CALN1: variants seen among roughly 807,000 people sequenced by gnomAD.
CALN1 encodes the protein calneuron 1, also known as calcium-binding protein 8.
CALN1 carries 17 observed loss-of-function variants against 30.6 expected under a neutral mutation model. The ratio of observed to expected loss-of-function variants is 0.56; its 90% CI spans 0.38 to 0.83. CALN1 has a LOEUF of 0.83. CALN1 is among the 40% of genes least tolerant of loss of function. The pLI is 0.00. For synonymous variants in CALN1, 156 were observed against 131.4 expected (o/e 1.19, Z -1.28); for missense variants, 291 against 354.9 (o/e 0.82, Z 1.45).
At chr7:72,327,698 T>C (rs1312269127) in intron 2 of CALN1, among the ~76,000 whole-genome samples, 1 of 151,904 alleles carries the variant, frequency 6.6e-6, no homozygotes, top group Non-Finnish European at 1.5e-5. Flanking sequence ...CCAATGATGT[T>C]TGGGAAAGCA....
intron 3 of CALN1, among the ~76,000 whole-genome samples, chr7:72,148,421 GAAAAAAA>G (rs1554455390): frequency 1.1e-5 from 1 of 90,062 alleles, no homozygotes; most frequent in Non-Finnish European, 3.4e-5. Flanking sequence ...GTAAAAAAAA[GAAAAAAA>G]AGAAAAAAGA....
intron 2 of CALN1, among the ~76,000 whole-genome samples, chr7:72,363,405 A>C (rs1803680728): frequency 6.6e-6 from 1 of 152,010 alleles, no homozygotes; most frequent in Non-Finnish European, 1.5e-5. Flanking sequence ...TGTCCGGCTA[A>C]TTTTTGTATT....
rs796177023 is a variant in CALN1 at position 71,857,016 on chromosome 7, A to G, written c.502-46524T>C. 2.4e-3 allele frequency among the ~76,000 whole-genome samples: 340 copies of G among 142,318 alleles called. 2 individuals carry two copies. The highest frequency in any genetic ancestry group is 3.7e-3 in the Non-Finnish European group (241 of 64,880). The allele number at this position is 142,318 out of a possible 152,430, so 93.4% of individuals were successfully genotyped here. On this transcript the variant is annotated intron_variant, in intron 5 of 6. Transcript: ENST00000395275. ...AGACAACCTCATGGTGTGTATATGTATGTGTGTGTGTGTGTGTGTGTGTGT... is the reference window on the plus strand; with the variant it reads ...AGACAACCTCATGGTGTGTATATGTGTGTGTGTGTGTGTGTGTGTGTGTGT...
intron 4 of CALN1, among the ~76,000 whole-genome samples, chr7:72,031,734 A>AT (rs544026184): frequency 0.032 from 3,631 of 114,538 alleles, 48 homozygotes; most frequent in Admixed American, 0.055. Context: ...CGCCTGGCTA[A>AT]TTTTTTTTTT....
At chr7:72,403,183 C>G in intron 2 of CALN1, 68 bp downstream of exon 2, 1 of 1,283,724 alleles carries the variant, frequency 7.8e-7, no homozygotes, top group Non-Finnish European at 1.1e-6. Flanking sequence ...CTCCTGGACC[C>G]CGCGCCACCC....
intron 4 of CALN1, among the ~76,000 whole-genome samples, chr7:72,057,994 G>A (rs1186150407): frequency 6.6e-6 from 1 of 152,158 alleles, no homozygotes; most frequent in Non-Finnish European, 1.5e-5. Flanking sequence ...TCTAAGTCGT[G>A]CAGAAGTTAA....
At chr7:72,175,600 G>T (rs976883310) in intron 3 of CALN1, among the ~76,000 whole-genome samples, 24 of 152,120 alleles carry the variant, frequency 1.6e-4, no homozygotes, top group Non-Finnish European at 3.1e-4. Flanking sequence ...TAACCAGGAA[G>T]AATAATCCAC....
At chr7:72,345,726 T>C (rs1376646871) in intron 2 of CALN1, among the ~76,000 whole-genome samples, 1 of 152,128 alleles carries the variant, frequency 6.6e-6, no homozygotes, top group Admixed American at 6.5e-5. Flanking sequence ...ACTACATGCA[T>C]TAAGATTAAG....
intron 2 of CALN1, among the ~76,000 whole-genome samples, chr7:72,330,485 AAG>A (rs1554374256): frequency 7.0e-6 from 1 of 143,168 alleles, no homozygotes; most frequent in African/African-American, 2.5e-5. Flanking sequence ...AAAAAAAAAA[AAG>A]AGAGAGAGAC....
At chr7:71,982,051 T>C (rs1263309810) in intron 5 of CALN1, among the ~76,000 whole-genome samples, 1 of 152,190 alleles carries the variant, frequency 6.6e-6, no homozygotes, top group African/African-American at 2.4e-5. Context: ...ACTTTTTAGT[T>C]GACTTCTAGC....
Position 72,165,971 on chromosome 7 carries a change from T to C in CALN1, c.245-59677A>G, listed in dbSNP as rs956781940. Among the ~76,000 whole-genome samples the C allele has an allele frequency of 5.9e-5, 9 of 152,264 alleles. No homozygotes were observed. In the East Asian group the frequency reaches 1.4e-3, roughly 23 times the overall value. ...TGGGGCTGCTACCCAAATTGTGTAATAGACCTTTTTAGGTGGCTGACCCAG... is the reference window on the plus strand; with the variant it reads ...TGGGGCTGCTACCCAAATTGTGTAACAGACCTTTTTAGGTGGCTGACCCAG... On this transcript the variant is annotated intron_variant, in intron 3 of 6. Transcript: ENST00000395275.
chr7:72,488,801 A>G, the CALN1 span, among the ~76,000 whole-genome samples: 1 of 152,112 alleles, frequency 6.6e-6, no homozygotes, highest in Non-Finnish European at 1.5e-5. Flanking sequence ...CTCCCTCTTC[A>G]GCCTCCCAAG....
Position 72,397,707 on chromosome 7 carries a change from T to TTCTCTC in CALN1, c.119+5538_119+5543dup, listed in dbSNP as rs775132024. Among the ~76,000 whole-genome samples the TTCTCTC allele has an allele frequency of 2.0e-3, 101 of 50,002 alleles. 1 individual carries two copies. Among genetic ancestry groups the TTCTCTC allele is most frequent in the African/African-American group, 8.8e-3 (99 of 11,240 alleles). The allele number at this position is 50,002 out of a possible 152,430, so 32.8% of individuals were successfully genotyped here. A position where few individuals can be genotyped will look rare whatever the true frequency, so the allele number is the denominator to read the frequency against. ...CTTGGGGGATCTTGGAGAGCACCCATTCTCTCTCACACACACACACACACA... is the reference window on the plus strand; with the variant it reads ...CTTGGGGGATCTTGGAGAGCACCCATTCTCTCTCTCTCTCACACACACACACACACA... On this transcript the variant is annotated intron_variant, in intron 2 of 6. Coordinates refer to ENST00000395275, the MANE Select transcript of CALN1 (RefSeq NM_031468.4).
chr7:71,859,959 A>G (rs1419281917), intron 5 of CALN1, among the ~76,000 whole-genome samples: 1 of 152,178 alleles, frequency 6.6e-6, no homozygotes, highest in Non-Finnish European at 1.5e-5. Context: ...GAATGTCCTA[A>G]TATCCCGATA....
At chr7:72,310,927 A>T (rs1433744967) in intron 2 of CALN1, among the ~76,000 whole-genome samples, 8 of 150,566 alleles carry the variant, frequency 5.3e-5, no homozygotes, top group African/African-American at 2.0e-4. Context: ...AAAAAAAAAA[A>T]ACAAAAATAA....
At chr7:72,317,091 A>AGAAAGAAACAGAGG (rs796294402) in intron 2 of CALN1, among the ~76,000 whole-genome samples, 1 of 122,262 alleles carries the variant, frequency 8.2e-6, no homozygotes, top group Non-Finnish European at 1.7e-5. Context: ...AGAGAGAGAG[A>AGAAAGAAACAGAGG]GAGGGAGGGA....
intron 2 of CALN1, among the ~76,000 whole-genome samples, chr7:72,399,958 T>C (rs1312341196): frequency 6.6e-6 from 1 of 152,106 alleles, no homozygotes; most frequent in Non-Finnish European, 1.5e-5. Flanking sequence ...TCCCTCTCTC[T>C]CCATATGACA....
intron 5 of CALN1, among the ~76,000 whole-genome samples, chr7:71,811,593 G>A (rs1787959586): frequency 1.3e-5 from 2 of 151,954 alleles, no homozygotes; most frequent in Admixed American, 1.3e-4. Context: ...CAGAGTTCCT[G>A]ATTACATCCT....
chr7:72,141,848 TG>T (rs994498689), intron 3 of CALN1, among the ~76,000 whole-genome samples: 1 of 151,982 alleles, frequency 6.6e-6, no homozygotes, highest in African/African-American at 2.4e-5. Flanking sequence ...GGATTACAGG[TG>T]TGAGTCACTG....
Sources: gnomAD v4.1 joint callset for allele counts (sites outside exome capture counted in the v4.1 genomes callset) on GRCh38, gnomAD v4.1.1 for gene constraint, MANE v1.5 for transcripts, NCBI Gene and HGNC (gene_info 2026-07-23, HGNC 2026-07-21) for gene names.